The following DPY19L2 variants were observed in gnomAD, a reference collection of about 807,000 sequenced individuals.
DPY19L2 encodes the protein dpy-19 like 2.
DPY19L2 carries 34 observed loss-of-function variants against 97.9 expected under a neutral mutation model. That is an observed-to-expected ratio of 0.35 (90% CI 0.26 to 0.46). DPY19L2 has a LOEUF of 0.46. Ranked by LOEUF, DPY19L2 falls within the 20% of genes least tolerant of loss-of-function variation. The pLI, the probability that DPY19L2 is intolerant of heterozygous loss-of-function variation, is 1.00. For synonymous variants in DPY19L2, 230 were observed against 307.9 expected (o/e 0.75, Z 2.65); for missense variants, 623 against 911.4 (o/e 0.68, Z 4.07).
At chr12:63,634,417 G>A (rs1251974825) in intron 6 of DPY19L2, among the ~76,000 whole-genome samples, 1 of 152,090 alleles carries the variant, frequency 6.6e-6, no homozygotes, top group Admixed American at 6.5e-5. Context: ...ATTTCCAACT[G>A]AAGTACTGGG....
chr12:63,600,692 C>T (rs1360578555), intron 12 of DPY19L2, among the ~76,000 whole-genome samples: 7 of 148,874 alleles, frequency 4.7e-5, no homozygotes, highest in Non-Finnish European at 1.0e-4. Context: ...AACAGCTCCC[C>T]GTACAGAGAC....
At chr12:63,649,722 A>G (rs934104245) in intron 4 of DPY19L2, among the ~76,000 whole-genome samples, 2 of 152,164 alleles carry the variant, frequency 1.3e-5, no homozygotes, top group Non-Finnish European at 2.9e-5. Context: ...GGAACAGATG[A>G]CTTCACAGCC....
chr12:63,620,513 GTCTT>G (rs1378172729), intron 9 of DPY19L2, among the ~76,000 whole-genome samples: 4 of 152,040 alleles, frequency 2.6e-5, no homozygotes, highest in African/African-American at 9.7e-5. Context: ...AATACAAAAA[GTCTT>G]TCACATGCCG....
At chr12:63,637,016 A>G (rs1420582381) in intron 6 of DPY19L2, among the ~76,000 whole-genome samples, 1 of 152,206 alleles carries the variant, frequency 6.6e-6, no homozygotes, top group Non-Finnish European at 1.5e-5. Flanking sequence ...TTATTTCAAA[A>G]TTGACCACAT....
chr12:63,646,387 A>T (rs7134403), intron 5 of DPY19L2, among the ~76,000 whole-genome samples: 6,827 of 152,150 alleles, frequency 0.045, 310 homozygotes, highest in East Asian at 0.13. Context: ...GTACACAAAA[A>T]AGTATAATTG....
chr12:63,635,914 G>A (rs1891597275), intron 6 of DPY19L2, among the ~76,000 whole-genome samples: 1 of 152,042 alleles, frequency 6.6e-6, no homozygotes, highest in Admixed American at 6.6e-5. Context: ...TTCAAATTCA[G>A]GAAATACAGA....
Position 63,583,824 on chromosome 12 carries a change from A to G in DPY19L2, c.1593T>C (p.Leu531=), listed in dbSNP as rs543901283. The G allele has an allele frequency of 6.2e-7, 1 of 1,611,454 alleles. No homozygotes were observed. Among genetic ancestry groups the G allele is most frequent in the East Asian group, 2.2e-5 (1 of 44,782 alleles). ...ATNIYLRKQL[L]EHSELAFHTL... is the part of the protein sequence containing the mutation. ...ATGAAAGCTTTACCTCACTGTGTTCAAGGAGCTGTTTTCTAGAATAAAACA... is the reference window on the plus strand; with the variant it reads ...ATGAAAGCTTTACCTCACTGTGTTCGAGGAGCTGTTTTCTAGAATAAAACA... The change falls in exon 17 of 22, where the codon CTT becomes CTC. Residue 531 remains leucine, a synonymous_variant. Transcript: ENST00000324472.
intron 12 of DPY19L2, among the ~76,000 whole-genome samples, chr12:63,604,318 T>C (rs1349600292): frequency 1.3e-5 from 2 of 152,196 alleles, no homozygotes; most frequent in Non-Finnish European, 2.9e-5. Context: ...CATGGATTTC[T>C]CTGGGTTTGT....
chr12:63,569,345 G>A lies in DPY19L2; in HGVS notation c.2005C>T (p.Arg669Trp), dbSNP rs2942672. 14 of 1,578,914 alleles carry A rather than the reference G, an allele frequency of 8.9e-6. No homozygotes were observed. The highest frequency in any genetic ancestry group is 1.2e-5 in the South Asian group (1 of 84,542). The change falls in exon 21 of 22, where the codon CGG becomes TGG. Residue 669 changes from arginine to tryptophan, a missense_variant. Physicochemically the swap from Arg to Trp is moderately radical, Grantham distance 101. This residue lies in a region of DPY19L2 where 294 missense variants were observed against 446.2 expected (regional missense o/e 0.66). Coordinates refer to ENST00000324472, the MANE Select transcript of DPY19L2 (RefSeq NM_173812.5). ...PHYEDADLRA[R>W]TKIVYSTYSR... ...TATGTAGAATAAACTATTTTTGTCC[G>A]AGCCCTTTAAATTTAAACAATAATT... is the stretch of plus-strand genomic sequence containing the variant.
chr12:63,655,107 T>C (rs984307048), intron 4 of DPY19L2, among the ~76,000 whole-genome samples: 1 of 152,020 alleles, frequency 6.6e-6, no homozygotes, highest in Non-Finnish European at 1.5e-5. Flanking sequence ...CTATAATATA[T>C]AAGGAACATC....
chr12:63,595,066 G>A (rs372728756), intron 15 of DPY19L2, among the ~76,000 whole-genome samples: 1 of 152,182 alleles, frequency 6.6e-6, no homozygotes, highest in South Asian at 2.1e-4. Flanking sequence ...CAGAGATGTC[G>A]AGGGAGATAC....
intron 2 of DPY19L2, 34 bp downstream of exon 2, chr12:63,665,801 T>C: frequency 6.6e-7 from 1 of 1,525,900 alleles, no homozygotes; most frequent in Non-Finnish European, 8.9e-7. Context: ...AATTCAAATG[T>C]TTTTAAATAT....
intron 8 of DPY19L2, chr12:63,623,760 A>G (rs1381452722): frequency 6.7e-6 from 2 of 299,982 alleles, no homozygotes; most frequent in African/African-American, 2.2e-5. Flanking sequence ...GCTGGAGTGC[A>G]GTGGCACAAT....
intron 6 of DPY19L2, among the ~76,000 whole-genome samples, chr12:63,631,152 A>C (rs1252240503): frequency 2.0e-5 from 3 of 152,154 alleles, no homozygotes; most frequent in Admixed American, 6.6e-5. Flanking sequence ...ATCACAATTA[A>C]AAGAACTAGA....
chr12:63,651,752 C>A, intron 4 of DPY19L2: 1 of 354,652 alleles, frequency 2.8e-6, no homozygotes, highest in African/African-American at 2.2e-5. Flanking sequence ...TCCCAAGCTT[C>A]ATGAATAAAG....
intron 6 of DPY19L2, among the ~76,000 whole-genome samples, chr12:63,628,745 T>C (rs1387637984): frequency 1.3e-5 from 2 of 151,014 alleles, no homozygotes; most frequent in African/African-American, 4.9e-5. Context: ...CAGCTGGAGA[T>C]CTAACAACAG....
At chr12:63,564,080 C>T (rs1877165377) in intron 21 of DPY19L2, among the ~76,000 whole-genome samples, 1 of 152,044 alleles carries the variant, frequency 6.6e-6, no homozygotes. Context: ...TTCTTCAGAT[C>T]CTGTAGTGAT....
At chr12:63,587,915 G>C (rs1287617939) in intron 16 of DPY19L2, among the ~76,000 whole-genome samples, 2 of 152,050 alleles carry the variant, frequency 1.3e-5, no homozygotes, top group Non-Finnish European at 2.9e-5. Flanking sequence ...AGTGATTTTG[G>C]ATTAAATGAT....
chr12:63,651,799 G>T, intron 4 of DPY19L2: 1 of 326,338 alleles, frequency 3.1e-6, no homozygotes, highest in Non-Finnish European at 6.2e-6. Context: ...AAGGACCCCG[G>T]TGTCCTTGAC....
Sources: gnomAD v4.1 joint callset for allele counts (sites outside exome capture counted in the v4.1 genomes callset) on GRCh38, gnomAD v4.1.1 for gene constraint, gnomAD v4.1.1 regional missense constraint, MANE v1.5 for transcripts, NCBI Gene and HGNC (gene_info 2026-07-23, HGNC 2026-07-21) for gene names.